FRAS1: variants seen among roughly 807,000 people sequenced by gnomAD.
The protein encoded by FRAS1 is Fraser extracellular matrix complex subunit 1.
In FRAS1, 290 loss-of-function variants were observed where a neutral mutation model predicts 435.2. The observed-to-expected ratio is 0.67, with a 90% CI of 0.61 to 0.73. The LOEUF is 0.73. FRAS1 is among the 30% of genes least tolerant of loss of function. The pLI is 0.00. For missense variants in FRAS1, 4,860 were observed against 5,001.5 expected (o/e 0.97, Z 0.85); for synonymous variants, 1,800 against 1,851.0 (o/e 0.97, Z 0.71).
At chr4:78,502,276 C>T (rs996451429) in intron 61 of FRAS1, among the ~76,000 whole-genome samples, 4 of 152,052 alleles carry the variant, frequency 2.6e-5, no homozygotes, top group African/African-American at 9.7e-5. Context: ...GTAGCTTGAT[C>T]GGGATGGCAT....
intron 40 of FRAS1, 22 bp from the exon 41 acceptor site, chr4:78,441,140 T>C (rs1379662087): frequency 1.2e-6 from 2 of 1,613,196 alleles, no homozygotes; most frequent in Non-Finnish European, 1.7e-6. Flanking sequence ...CCAAGGACTC[T>C]CTATGTTCTT....
chr4:78,281,988 A>G (rs927201572), intron 11 of FRAS1, among the ~76,000 whole-genome samples: 1 of 152,210 alleles, frequency 6.6e-6, no homozygotes, highest in Non-Finnish European at 1.5e-5. Context: ...TCAAGATAGT[A>G]TTGCTCACTT....
intron 2 of FRAS1, among the ~76,000 whole-genome samples, chr4:78,088,502 C>CAT (rs1560514617): frequency 6.6e-5 from 10 of 151,762 alleles, no homozygotes; most frequent in East Asian, 1.9e-4. Flanking sequence ...ACCTACAGAA[C>CAT]GGGAGAAAAT....
chr4:78,235,205 C>G (rs1442474341), intron 2 of FRAS1, among the ~76,000 whole-genome samples: 2 of 152,204 alleles, frequency 1.3e-5, no homozygotes, highest in Non-Finnish European at 2.9e-5. Context: ...GTTCATGGTA[C>G]TCTCCTCTAC....
At chr4:78,409,618 G>T (rs192032972) in intron 31 of FRAS1, among the ~76,000 whole-genome samples, 1 of 152,192 alleles carries the variant, frequency 6.6e-6, no homozygotes, top group Non-Finnish European at 1.5e-5. Flanking sequence ...CCTCTGGCGA[G>T]CATGATTTGG....
At chr4:78,115,127 A>G (rs374321974) in intron 2 of FRAS1, among the ~76,000 whole-genome samples, 1 of 151,496 alleles carries the variant, frequency 6.6e-6, no homozygotes, top group Non-Finnish European at 1.5e-5. Flanking sequence ...ATGCTAGATT[A>G]CGTTTATTGA....
intron 2 of FRAS1, among the ~76,000 whole-genome samples, chr4:78,237,280 G>T (rs1724800915): frequency 1.3e-5 from 2 of 152,168 alleles, no homozygotes; most frequent in East Asian, 3.8e-4. Flanking sequence ...ACAGCTCTCT[G>T]CCGCATCCCC....
chr4:78,530,505 G>A (rs944259865), intron 70 of FRAS1, among the ~76,000 whole-genome samples: 15 of 151,978 alleles, frequency 9.9e-5, no homozygotes, highest in Middle Eastern at 3.2e-3. Flanking sequence ...ACTGATACAG[G>A]GAATTTGGAC....
At chr4:78,307,775 A>C (rs1728844041) in intron 14 of FRAS1, among the ~76,000 whole-genome samples, 1 of 152,160 alleles carries the variant, frequency 6.6e-6, no homozygotes, top group Non-Finnish European at 1.5e-5. Context: ...TAGTGAGATC[A>C]ACCCGGTACC....
chr4:78,210,780 G>A lies in FRAS1; in HGVS notation c.109-26730G>A, dbSNP rs1723470574. ...TATCTATACAATCATCACAGAGCAG[G>A]GGAATTGTAGGTGTTGGAGCTCCTG... On this transcript the variant is annotated intron_variant, in intron 2 of 73. Coordinates refer to ENST00000512123, the MANE Select transcript of FRAS1 (RefSeq NM_025074.7). 1.3e-5 allele frequency among the ~76,000 whole-genome samples: 2 copies of A among 152,190 alleles called. 1 individual carries two copies. Among genetic ancestry groups the A allele is most frequent in the African/African-American group, 4.8e-5 (2 of 41,448 alleles).
intron 2 of FRAS1, among the ~76,000 whole-genome samples, chr4:78,105,736 G>A (rs750097600): frequency 6.6e-6 from 1 of 152,078 alleles, no homozygotes; most frequent in Non-Finnish European, 1.5e-5. Flanking sequence ...TGTAAGATGA[G>A]AGGAGGAGCC....
chr4:78,077,293 C>T (rs1161208289), intron 2 of FRAS1, among the ~76,000 whole-genome samples: 2 of 152,070 alleles, frequency 1.3e-5, no homozygotes, highest in Non-Finnish European at 2.9e-5. Context: ...TCGCTTGATC[C>T]CCGGAAGTCA....
chr4:78,469,343 ATGTG>A (rs1487863997), intron 50 of FRAS1, among the ~76,000 whole-genome samples: 2 of 152,216 alleles, frequency 1.3e-5, no homozygotes, highest in Non-Finnish European at 2.9e-5. Context: ...GCATGCATGC[ATGTG>A]TGTATCTGTG....
rs754033923 is a variant in FRAS1 at position 78,413,062 on chromosome 4, C to T, written c.4402C>T (p.Leu1468=). 1.9e-6 allele frequency: 3 copies of T among 1,607,388 alleles called. No homozygotes were observed. In the South Asian group the frequency reaches 3.3e-5, roughly 18 times the overall value. Residue 1468 remains leucine, a synonymous_variant, in exon 32 of 74, where the codon CTG becomes TTG. Coordinates refer to ENST00000512123, the MANE Select transcript of FRAS1 (RefSeq NM_025074.7). ...PQTPEAPKVS[L]EASLHMTARE... ...GACACCTGAAGCACCTAAAGTGTCT[C>T]TGGAAGCATCTCTCCATATGACTGT...
chr4:78,277,186 T>C (rs1428450582), intron 9 of FRAS1, among the ~76,000 whole-genome samples: 6 of 151,998 alleles, frequency 3.9e-5, no homozygotes, highest in African/African-American at 1.5e-4. Flanking sequence ...AGGGTGGGAG[T>C]AACCCAATTT....
In FRAS1 at chr4:78,084,456, G is replaced by A. The variant is rs182144917; in HGVS notation, c.108+18440G>A. Among the ~76,000 whole-genome samples the A allele has an allele frequency of 7.9e-5, 12 of 152,162 alleles. No homozygotes were observed. In the East Asian group the frequency reaches 1.4e-3, roughly 17 times the overall value. ...TGTAAATAACAAAAAACTACAGGGC[G>A]TCTTGTAATATATCCCCTATGGGTA... On this transcript the variant is annotated intron_variant, in intron 2 of 73. Transcript: ENST00000512123.
chr4:78,537,460 G>C (rs1034799109), intron 72 of FRAS1, among the ~76,000 whole-genome samples: 3 of 152,224 alleles, frequency 2.0e-5, no homozygotes, highest in African/African-American at 7.2e-5. Flanking sequence ...CAGAGACCTG[G>C]AGTGTCCCCA....
intron 2 of FRAS1, among the ~76,000 whole-genome samples, chr4:78,112,124 C>G (rs570577061): frequency 6.6e-6 from 1 of 152,022 alleles, no homozygotes; most frequent in African/African-American, 2.4e-5. Context: ...TATCATGAAT[C>G]TAAATTTTAG....
chr4:78,286,577 A>G (rs748975348), intron 14 of FRAS1, 38 bp downstream of exon 14: 84 of 1,602,234 alleles, frequency 5.2e-5, no homozygotes, highest in Non-Finnish European at 7.1e-5. Flanking sequence ...CCAGCTACCA[A>G]GACAGCTCCC....
Sources: allele counts gnomAD v4.1 joint callset (sites outside exome capture counted in the v4.1 genomes callset), GRCh38; gene constraint gnomAD v4.1.1; transcripts MANE v1.5; gene names NCBI Gene and HGNC (gene_info 2026-07-23, HGNC 2026-07-21).